MIDN: variants seen among roughly 807,000 people sequenced by gnomAD.
The protein encoded by MIDN is midbrain nucleolar protein.
Under a neutral mutation model 46.1 loss-of-function variants are expected in MIDN, and 26 were observed. That is an observed-to-expected ratio of 0.56 (90% confidence interval 0.41 to 0.78). MIDN has a LOEUF of 0.78. Ranked by LOEUF, MIDN falls within the 30% of genes least tolerant of loss-of-function variation. MIDN has a pLI of 0.00. For synonymous variants in MIDN, 432 were observed against 343.3 expected (o/e 1.26, Z -2.86); for missense variants, 850 against 771.8 (o/e 1.10, Z -1.20).
intron 6 of MIDN, 148 bp from the exon 7 acceptor site, chr19:1,254,754 G>A (rs2081176880): frequency 1.2e-5 from 12 of 977,196 alleles, no homozygotes; most frequent in Non-Finnish European, 1.7e-5. Flanking sequence ...GGTTGGTTGT[G>A]ACCTCGTGAC....
chr19:1,253,195 C>T (rs1391688243), intron 4 of MIDN, among the ~76,000 whole-genome samples: 1 of 151,934 alleles, frequency 6.6e-6, no homozygotes, highest in Non-Finnish European at 1.5e-5. Context: ...CCACCCCGGG[C>T]CCTTCCTGCA....
intron 3 of MIDN, 70 bp from the exon 4 acceptor site, chr19:1,251,769 C>G (rs958089730): frequency 1.9e-6 from 3 of 1,548,942 alleles, no homozygotes; most frequent in African/African-American, 1.4e-5. Context: ...CAGCAGGGCC[C>G]TCTCCACCCC....
chr19:1,255,745 C>G, intron 8 of MIDN, 51 bp downstream of exon 8: 1 of 1,466,410 alleles, frequency 6.8e-7, no homozygotes, highest in Non-Finnish European at 9.0e-7. Flanking sequence ...CTGGGCTTCT[C>G]AAGGCCCCTC....
At position 1,257,348 on chromosome 19, in the gene MIDN, C is replaced by T. The variant is rs1332256491; in HGVS notation, c.*76C>T. On this transcript the variant is annotated 3_prime_UTR_variant, in exon 9 of 9. Coordinates refer to ENST00000682408, the MANE Select transcript of MIDN (RefSeq NM_001388306.1). ...GGGACTCCGAGAGCCCCGGAGAGAA[C>T]GTGGCCCAGCCCTGGAGGGCAGGCG... 40 of 1,309,642 alleles carry T rather than the reference C, an allele frequency of 3.1e-5. No individual in the cohort carries two copies. The highest frequency in any genetic ancestry group is 3.6e-5 in the Non-Finnish European group (33 of 924,078). 81.1% of individuals were successfully genotyped at this position (1,309,642 alleles called of 1,614,324 possible).
At position 1,254,088 on chromosome 19, in the gene MIDN, A is replaced by T; in HGVS notation, c.513+6A>T. 1 of 1,509,730 alleles carries T rather than the reference A, an allele frequency of 6.6e-7. No individual in the cohort carries two copies. The highest frequency in any genetic ancestry group is 8.8e-7 in the Non-Finnish European group (1 of 1,137,084). The allele number at this position is 1,509,730 out of a possible 1,614,324, so 93.5% of individuals were successfully genotyped here. On this transcript the variant is annotated splice_donor_region_variant and intron_variant, in intron 5 of 8. Transcript: ENST00000682408. ...GGGGCGGCGAGAGGCCCCAGGTCAC[A>T]GCGCGGGGGGACTGGGCCGGGCTGG...
Position 1,253,938 on chromosome 19 carries a change from G to A in MIDN, c.385-16G>A, listed in dbSNP as rs1192593846. 3.0e-5 allele frequency: 41 copies of A among 1,380,392 alleles called. No homozygotes were observed. Among genetic ancestry groups the A allele is most frequent in the Admixed American group, 2.1e-4 (6 of 28,194 alleles). 85.5% of individuals were successfully genotyped at this position (1,380,392 alleles called of 1,614,324 possible). A position where few individuals can be genotyped will look rare whatever the true frequency, so the allele number is the denominator to read the frequency against. On this transcript the variant is annotated splice_polypyrimidine_tract_variant and intron_variant, in intron 4 of 8. Transcript: ENST00000682408. The stretch of plus-strand genomic sequence containing the variant: ...GGAGGGGCAGGCCCCCGTCTGACCC[G>A]CCTCTGTCCCCACAGCCCCCAGCGG...
intron 2 of MIDN, chr19:1,251,187 C>G (rs1263293915): frequency 1.0e-5 from 2 of 192,588 alleles, no homozygotes; most frequent in South Asian, 8.5e-5. Context: ...CCCGTGGTTC[C>G]TACAAAGAGG....
In MIDN at chr19:1,254,377, G is replaced by T; in HGVS notation, c.724G>T (p.Ala242Ser). Residue 242 changes from alanine to serine, a missense_variant, in exon 6 of 9, where the codon GCC becomes TCC. Transcript: ENST00000682408. ...GCCCTGCCGGCCGGTGTCCAGTGCCGCCCGAGTCCCCCCGGTGCCCACCAG... is the reference window on the plus strand; with the variant it reads ...GCCCTGCCGGCCGGTGTCCAGTGCCTCCCGAGTCCCCCCGGTGCCCACCAG... The part of the protein sequence containing the change: ...SSPCRPVSSA[A>S]RVPPVPTSPS... 1.3e-6 allele frequency: 2 copies of T among 1,561,142 alleles called. No homozygotes were observed. The highest frequency in any genetic ancestry group is 2.3e-5 in the South Asian group (2 of 86,240).
rs937701203 is a variant in MIDN, at chr19:1,253,999, C to T, written c.430C>T (p.Arg144Trp). The T allele has an allele frequency of 1.2e-5, 17 of 1,401,900 alleles. 1 individual carries two copies. The highest frequency in any genetic ancestry group is 3.1e-5 in the South Asian group (2 of 64,904). The allele number at this position is 1,401,900 out of a possible 1,614,324, so 86.8% of individuals were successfully genotyped here. Residue 144 changes from arginine to tryptophan, a missense_variant, in exon 5 of 9, where the codon CGG (arginine) becomes TGG (tryptophan). Coordinates refer to ENST00000682408, the MANE Select transcript of MIDN (RefSeq NM_001388306.1). ...GGGCCGGGCTGGCGGAGGAGGCTTC[C>T]GGAAATACAGATTCATTTTATTTAA... ...GPGRAGGGGF[R>W]KYRFILFKRP...
chr19:1,252,190 C>T (rs1188265068), intron 4 of MIDN, among the ~76,000 whole-genome samples: 1 of 152,236 alleles, frequency 6.6e-6, no homozygotes, highest in African/African-American at 2.4e-5. Flanking sequence ...CTCATCCCCG[C>T]TCACACCCTG....
chr19:1,249,125 C>A (rs1186768814), intron 1 of MIDN, among the ~76,000 whole-genome samples: 1 of 150,904 alleles, frequency 6.6e-6, no homozygotes, highest in Non-Finnish European at 1.5e-5. Flanking sequence ...CGCGCGCGGG[C>A]GCAGCCGGGG....
rs765322691 is a variant in MIDN at position 1,254,363 on chromosome 19, C to T, written c.710C>T (p.Pro237Leu). ...IASPVSSPCR[P>L]VSSAARVPPV... ...TCCCCCGTGTCCTCGCCCTGCCGGC[C>T]GGTGTCCAGTGCCGCCCGAGTCCCC... Residue 237 changes from proline to leucine, a missense_variant, in exon 6 of 9, where the codon CCG becomes CTG. Pro to Leu is a moderately conservative substitution (Grantham distance 98). Coordinates refer to ENST00000682408, the MANE Select transcript of MIDN (RefSeq NM_001388306.1). The T allele has an allele frequency of 5.7e-5, 89 of 1,562,338 alleles. No homozygotes were observed. Among genetic ancestry groups the T allele is most frequent in the Middle Eastern group, 1.7e-4 (1 of 6,018 alleles).
In MIDN at chr19:1,251,914, C is replaced by CA; in HGVS notation, c.384+14dup. 6.2e-7 allele frequency: 1 copy of CA among 1,611,322 alleles called. No individual in the cohort carries two copies. The highest frequency in any genetic ancestry group is 8.5e-7 in the Non-Finnish European group (1 of 1,178,432). ...CACGGAGACGCAGGTAAGACCTCGCCAGCCCCTTCCTAACAGGGCAGCCCT... is the reference window on the plus strand; with the variant it reads ...CACGGAGACGCAGGTAAGACCTCGCCAAGCCCCTTCCTAACAGGGCAGCCCT... On this transcript the variant is annotated intron_variant, in intron 4 of 8. Coordinates refer to ENST00000682408, the MANE Select transcript of MIDN (RefSeq NM_001388306.1).
intron 2 of MIDN, among the ~76,000 whole-genome samples, chr19:1,251,032 C>G (rs1421609252): frequency 2.0e-5 from 3 of 151,602 alleles, no homozygotes; most frequent in Non-Finnish European, 4.4e-5. Context: ...CACGCAGTGT[C>G]CATCCCAGTG....
chr19:1,250,756 G>T (rs2081115853), intron 2 of MIDN, among the ~76,000 whole-genome samples: 1 of 151,624 alleles, frequency 6.6e-6, no homozygotes. Flanking sequence ...GGCTTCGGCG[G>T]CCCCCCTTGG....
chr19:1,248,899 G>C (rs569149589), intron 1 of MIDN, among the ~76,000 whole-genome samples: 4 of 152,022 alleles, frequency 2.6e-5, no homozygotes, highest in African/African-American at 9.6e-5. Flanking sequence ...ACCTTGAACT[G>C]GTTGCCGTTC....
chr19:1,253,060 C>G (rs951781378), intron 4 of MIDN, among the ~76,000 whole-genome samples: 1 of 149,034 alleles, frequency 6.7e-6, no homozygotes, highest in Non-Finnish European at 1.5e-5. Flanking sequence ...GGGTGCTGGG[C>G]GGAGACACTG....
intron 1 of MIDN, among the ~76,000 whole-genome samples, chr19:1,249,269 G>A (rs1271541958): frequency 1.3e-5 from 2 of 148,664 alleles, no homozygotes; most frequent in Admixed American, 6.7e-5. Flanking sequence ...GCCCCGCCCC[G>A]GCCACAACTC....
chr19:1,255,805 G>A, intron 8 of MIDN, 111 bp downstream of exon 8: 2 of 1,074,506 alleles, frequency 1.9e-6, no homozygotes, highest in Non-Finnish European at 2.6e-6. Context: ...GGGGCTGGGG[G>A]GGATGGCAGC....
Sources: allele counts gnomAD v4.1 joint callset (sites outside exome capture counted in the v4.1 genomes callset), GRCh38; gene constraint gnomAD v4.1.1; transcripts MANE v1.5; gene names NCBI Gene and HGNC (gene_info 2026-07-23, HGNC 2026-07-21).